REPS1: variants seen among roughly 807,000 people sequenced by gnomAD.
REPS1 encodes the protein ralBP1-associated Eps domain-containing protein 1.
A neutral mutation model predicts 100.9 loss-of-function variants in REPS1; 39 were observed. That is an observed-to-expected ratio of 0.39 (90% CI 0.30 to 0.50). The LOEUF (loss-of-function observed/expected upper bound fraction) is 0.50. Among genes scored for constraint, REPS1 ranks in the 20% least tolerant of loss-of-function variants. The pLI is 0.86. For synonymous variants in REPS1, 324 were observed against 340.3 expected, an observed-to-expected ratio of 0.95 and a Z score of 0.53; for missense variants, 821 against 968.5, an observed-to-expected ratio of 0.85 and a Z score of 2.02.
rs1428978237 is a variant in REPS1 at position 138,975,980 on chromosome 6, A to G, written c.153+11550T>C. ...TCAAAATCTAGAACTGTCGTATTCC[A>G]AAGTCTATGCTATTTTGACTACACT... On this transcript the variant is annotated intron_variant, in intron 1 of 19. Transcript: ENST00000450536. 3.3e-5 allele frequency among the ~76,000 whole-genome samples: 5 copies of G among 152,368 alleles called. No homozygotes were observed. The East Asian group carries it at 9.6e-4, about 29-fold the overall frequency.
chr6:138,968,941 G>T (rs1354518747), intron 1 of REPS1, among the ~76,000 whole-genome samples: 1 of 152,200 alleles, frequency 6.6e-6, no homozygotes, highest in African/African-American at 2.4e-5. Context: ...CTATGTGCAA[G>T]AATTGGGTAC....
intron 1 of REPS1, among the ~76,000 whole-genome samples, chr6:138,978,379 C>G (rs1447722328): frequency 7.0e-6 from 1 of 143,764 alleles, no homozygotes; most frequent in Non-Finnish European, 1.5e-5. Context: ...ACCTCTGCCT[C>G]CCTGACCTCT....
rs1365563885 is a variant in REPS1, at chr6:138,945,247, A to C, written c.600T>G (p.Phe200Leu). The change falls in exon 4 of 20, where the codon TTT (phenylalanine) becomes TTG (leucine). Residue 200 changes from phenylalanine (F) to leucine (L), a missense_variant. Physicochemically the swap from Phe to Leu is conservative, Grantham distance 22. This residue lies in a region of REPS1 where 757 missense variants were observed against 866.4 expected (regional missense o/e 0.87). Coordinates refer to ENST00000450536, the MANE Select transcript of REPS1 (RefSeq NM_001286611.2). The stretch of plus-strand genomic sequence containing the variant: ...ATTGTGCTTCACCAAAGGGAGACCA[A>C]AATGGCCCAGGTCCCGCGAGAGGCC... The part of the protein sequence containing the change: ...SERPLAGPGP[F>L]WSPFGEAQSG... 24 of 1,610,172 alleles carry C rather than the reference A, an allele frequency of 1.5e-5. No homozygotes were observed. The highest frequency in any genetic ancestry group is 2.0e-5 in the Non-Finnish European group (23 of 1,179,226).
At chr6:138,942,280 G>C (rs1371382943) in intron 7 of REPS1, among the ~76,000 whole-genome samples, 1 of 151,994 alleles carries the variant, frequency 6.6e-6, no homozygotes, top group African/African-American at 2.4e-5. Flanking sequence ...ACTATAAATA[G>C]CATGCATATA....
In REPS1 at chr6:138,911,320, T is replaced by C; in HGVS notation, c.2023A>G (p.Ser675Gly). ...GCAGCTGTCTTTTCTTCAGTTTTAC[T>C]ATCTGTTTTGGCAACTCGAAGAGAA... ...ASSLRVAKTD[S>G]KTEEKTAASA... The change falls in exon 17 of 20, where the codon AGT becomes GGT. Residue 675 changes from serine to glycine, a missense_variant. Coordinates refer to ENST00000450536, the MANE Select transcript of REPS1 (RefSeq NM_001286611.2). 7 of 1,613,856 alleles carry C rather than the reference T, an allele frequency of 4.3e-6. No homozygotes were observed. The highest frequency in any genetic ancestry group is 5.9e-6 in the Non-Finnish European group (7 of 1,179,786).
At chr6:138,956,443 T>C (rs1783396475) in intron 1 of REPS1, among the ~76,000 whole-genome samples, 1 of 151,896 alleles carries the variant, frequency 6.6e-6, no homozygotes, top group Non-Finnish European at 1.5e-5. Flanking sequence ...TCACAGTTAC[T>C]AGCAACCAGA....
At chr6:138,986,785 G>C (rs1403073890) in intron 1 of REPS1, among the ~76,000 whole-genome samples, 1 of 148,204 alleles carries the variant, frequency 6.7e-6, no homozygotes, top group African/African-American at 2.6e-5. Flanking sequence ...AAGCAGATAT[G>C]ATAAAAAAAG....
chr6:138,912,816 A>C lies in REPS1; in HGVS notation c.1920T>G (p.Asn640Lys). The C allele has an allele frequency of 6.2e-7, 1 of 1,614,154 alleles. No homozygotes were observed. Among genetic ancestry groups the C allele is most frequent in the Non-Finnish European group, 8.5e-7 (1 of 1,180,030 alleles). ...CTTCATCATCTTGTTCGTCGTTTAC[A>C]TTTGATGCAGCAAATACTTCAAACT... The part of the protein sequence containing the change: ...FSQFEVFAAS[N>K]VNDEQDDEAE... The change falls in exon 16 of 20, where the codon AAT (asparagine) becomes AAG (lysine). Residue 640 changes from asparagine (N) to lysine (K), a missense_variant. By Grantham distance (94) the Asn-to-Lys change is moderately conservative. Around this residue, in one of 3 missense-constraint regions of REPS1, gnomAD observed 757 missense variants for 866.4 expected, o/e 0.87. Coordinates refer to ENST00000450536, the MANE Select transcript of REPS1 (RefSeq NM_001286611.2).
intron 1 of REPS1, among the ~76,000 whole-genome samples, chr6:138,976,930 T>G (rs1267850285): frequency 6.6e-5 from 10 of 152,246 alleles, no homozygotes; most frequent in Admixed American, 5.9e-4. Flanking sequence ...ATTTAAATCC[T>G]TTATCAAAAT....
intron 1 of REPS1, among the ~76,000 whole-genome samples, chr6:138,959,341 G>A (rs1033630091): frequency 3.3e-5 from 5 of 152,130 alleles, no homozygotes; most frequent in Middle Eastern, 3.2e-3. Flanking sequence ...TTACATGTAA[G>A]AGCCTGAATC....
At chr6:138,938,276 T>C (rs567582225) in intron 8 of REPS1, among the ~76,000 whole-genome samples, 1 of 152,160 alleles carries the variant, frequency 6.6e-6, no homozygotes, top group Non-Finnish European at 1.5e-5. Flanking sequence ...AAAATGCACA[T>C]TTACCCCAAC....
intron 1 of REPS1, among the ~76,000 whole-genome samples, chr6:138,952,642 C>T (rs9389636): frequency 6.6e-6 from 1 of 151,142 alleles, no homozygotes; most frequent in Non-Finnish European, 1.5e-5. Context: ...TCAAGTGATC[C>T]GCCTGCCTCA....
intron 8 of REPS1, among the ~76,000 whole-genome samples, chr6:138,940,096 A>G (rs1215610217): frequency 3.9e-5 from 6 of 152,216 alleles, no homozygotes; most frequent in Non-Finnish European, 2.9e-5. Flanking sequence ...AACTAGAAGC[A>G]CATTCAGATT....
At chr6:138,954,502 T>TG (rs71707376) in intron 1 of REPS1, among the ~76,000 whole-genome samples, 1 of 134,674 alleles carries the variant, frequency 7.4e-6, no homozygotes, top group East Asian at 2.1e-4. Context: ...ATGATGAGCT[T>TG]AAAAAAAAAA....
intron 1 of REPS1, among the ~76,000 whole-genome samples, chr6:138,982,486 C>T (rs1785009645): frequency 6.6e-6 from 1 of 152,138 alleles, no homozygotes; most frequent in South Asian, 2.1e-4. Context: ...AAAACAGAAG[C>T]TTTTGGTAAA....
intron 1 of REPS1, among the ~76,000 whole-genome samples, chr6:138,970,116 C>T (rs1163805198): frequency 6.6e-6 from 1 of 151,946 alleles, no homozygotes; most frequent in Admixed American, 6.6e-5. Flanking sequence ...TCAGCAATCA[C>T]AGAAAAGCTT....
intron 12 of REPS1, among the ~76,000 whole-genome samples, chr6:138,919,363 T>A (rs547533924): frequency 6.6e-6 from 1 of 152,306 alleles, no homozygotes; most frequent in Non-Finnish European, 1.5e-5. Context: ...TCCTGTTTTG[T>A]CTCGCCTTCT....
intron 1 of REPS1, among the ~76,000 whole-genome samples, chr6:138,983,740 GTGACAC>G (rs963277359): frequency 2.0e-5 from 3 of 152,130 alleles, no homozygotes; most frequent in African/African-American, 7.2e-5. Context: ...CCCAGTCTAT[GTGACAC>G]TGTCTCCCGT....
Position 138,903,937 on chromosome 6 carries a change from A to AT in REPS1, c.*1126dup, listed in dbSNP as rs1779493202. ...GACTGTGAATCTATAGTATTTAAAC[A>AT]TTTTTTCTTTCAGAAATGAAAATAC... On this transcript the variant is annotated 3_prime_UTR_variant, in exon 20 of 20. Coordinates refer to ENST00000450536, the MANE Select transcript of REPS1 (RefSeq NM_001286611.2). 1 of 152,156 alleles carries AT rather than the reference A, an allele frequency of 6.6e-6. No homozygotes were observed. Among genetic ancestry groups the AT allele is most frequent in the Non-Finnish European group, 1.5e-5 (1 of 68,014 alleles). 9.4% of individuals were successfully genotyped at this position (152,156 alleles called of 1,614,324 possible). A position where few individuals can be genotyped will look rare whatever the true frequency, so the allele number is the denominator to read the frequency against.
Sources: gnomAD v4.1 joint callset for allele counts (sites outside exome capture counted in the v4.1 genomes callset) on GRCh38, gnomAD v4.1.1 for gene constraint, gnomAD v4.1.1 regional missense constraint, MANE v1.5 for transcripts, NCBI Gene and HGNC (gene_info 2026-07-23, HGNC 2026-07-21) for gene names.